The following ABR variants were observed in gnomAD, a reference collection of about 807,000 sequenced individuals.
ABR encodes the protein ABR activator of RhoGEF and GTPase.
In ABR, 35 loss-of-function variants were observed where a neutral mutation model predicts 107.2. That is an observed-to-expected ratio of 0.33 (90% CI 0.25 to 0.43). The LOEUF (loss-of-function observed/expected upper bound fraction) is 0.43, where lower values mean the gene tolerates loss of function less well. Among genes scored for constraint, ABR ranks in the 20% least tolerant of loss-of-function variants. The pLI is 1.00. For synonymous variants in ABR, 498 were observed against 462.0 expected (o/e 1.08, Z -1.00); for missense variants, 815 against 1,115.2 (o/e 0.73, Z 3.83).
At chr17:1,015,289 C>T (rs1448764692) in intron 16 of ABR, among the ~76,000 whole-genome samples, 1 of 151,432 alleles carries the variant, frequency 6.6e-6, no homozygotes, top group East Asian at 2.0e-4. Flanking sequence ...TGGTGGCGGG[C>T]ACTGTAGTCC....
At chr17:1,035,662 C>T (rs1170154948) in intron 16 of ABR, among the ~76,000 whole-genome samples, 2 of 53,812 alleles carry the variant, frequency 3.7e-5, no homozygotes, top group African/African-American at 8.9e-5. Flanking sequence ...CCTCCTCAGA[C>T]GACCTGCAAG....
chr17:1,086,553 T>G lies in ABR; in HGVS notation c.532-2926A>C, dbSNP rs183854132. Among the ~76,000 whole-genome samples, 993 of 150,544 alleles carry G rather than the reference T, an allele frequency of 6.6e-3. 13 individuals are homozygous for G. The highest frequency in any genetic ancestry group is 0.023 in the African/African-American group (922 of 40,802). ...TCTCGCTCTGTCAACCAGGCCGGAG[T>G]GCACTGGCACGATCTTGGCTCACTG... is the stretch of plus-strand genomic sequence containing the variant. On this transcript the variant is annotated intron_variant, in intron 4 of 22. Transcript: ENST00000302538.
chr17:1,067,555 G>A (rs1452112682), intron 9 of ABR, among the ~76,000 whole-genome samples: 6 of 152,160 alleles, frequency 3.9e-5, no homozygotes. Context: ...TTCCTGGCTG[G>A]GCTCACATTT....
At position 1,111,668 on chromosome 17, in the gene ABR, G is replaced by A. The variant is rs183723498; in HGVS notation, c.247-10933C>T. On this transcript the variant is annotated intron_variant, in intron 2 of 22. Transcript: ENST00000302538. ...GCCCTGTTGATGCAGGCACTGCCCC[G>A]ACCACTCTCTGGTGTAGGCTGGCCC... Among the ~76,000 whole-genome samples, 16 of 152,310 alleles carry A rather than the reference G, an allele frequency of 1.1e-4. No individual in the cohort carries two copies. In the East Asian group the frequency reaches 1.3e-3, roughly 13 times the overall value.
chr17:1,139,203 C>T (rs913227216), intron 1 of ABR, among the ~76,000 whole-genome samples: 6 of 152,016 alleles, frequency 3.9e-5, no homozygotes, highest in African/African-American at 1.5e-4. Flanking sequence ...TCTTATAACT[C>T]CTTAAAGTGA....
intron 6 of ABR, 141 bp from the exon 7 acceptor site, chr17:1,073,818 C>A: frequency 1.5e-6 from 1 of 676,440 alleles, no homozygotes; most frequent in South Asian, 2.3e-5. Flanking sequence ...CCCACGGCAG[C>A]CCCCACCTCT....
intron 1 of ABR, among the ~76,000 whole-genome samples, chr17:1,175,374 C>T (rs575200405): frequency 5.3e-5 from 8 of 152,198 alleles, no homozygotes; most frequent in Admixed American, 3.3e-4. Context: ...ATCGCACCGC[C>T]GCACTCCAGC....
chr17:1,171,927 T>C (rs920925391), intron 1 of ABR, among the ~76,000 whole-genome samples: 2 of 151,974 alleles, frequency 1.3e-5, no homozygotes, highest in Non-Finnish European at 2.9e-5. Context: ...TGAAAATCTG[T>C]CTCAAAAAAA....
chr17:1,133,544 A>G (rs1026482814), intron 1 of ABR, among the ~76,000 whole-genome samples: 1 of 152,202 alleles, frequency 6.6e-6, no homozygotes. Flanking sequence ...GCAAAAAGAG[A>G]TTAATAACAA....
At chr17:1,049,848 G>A in intron 16 of ABR, 2 of 631,406 alleles carry the variant, frequency 3.2e-6, no homozygotes, top group Non-Finnish European at 5.4e-6. Context: ...CCCACCTGAG[G>A]AGCCACGCAC....
rs2041110593 is a variant in ABR at position 1,157,862 on chromosome 17, A to G, written c.61+21805T>C. Among the ~76,000 whole-genome samples the G allele has an allele frequency of 6.6e-6, 1 of 152,182 alleles. No homozygotes were observed. The highest frequency in any genetic ancestry group is 1.5e-5 in the Non-Finnish European group (1 of 67,994). On this transcript the variant is annotated intron_variant, in intron 1 of 22. Transcript: ENST00000302538. This position sits in a 1 kb window ranked among gnomAD's most constrained non-coding sequence, Gnocchi z 4.7. ...TATCATTCATGCTGCAGGTCAGCCTAGGAAGGGATCGTGCAGTTTGGTAGG... is the reference window on the plus strand; with the variant it reads ...TATCATTCATGCTGCAGGTCAGCCTGGGAAGGGATCGTGCAGTTTGGTAGG...
At chr17:1,209,546 C>T (rs115206127) in intron 1 of ABR, among the ~76,000 whole-genome samples, 136 of 151,906 alleles carry the variant, frequency 9.0e-4, no homozygotes, top group Middle Eastern at 6.8e-3. Flanking sequence ...CAGTGAGCCA[C>T]CATGCTCAGC....
intron 1 of ABR, among the ~76,000 whole-genome samples, chr17:1,133,815 A>G (rs574219147): frequency 2.8e-4 from 42 of 152,226 alleles, no homozygotes; most frequent in African/African-American, 9.9e-4. Flanking sequence ...TGCCTCTCTC[A>G]TTACCAGGAA....
At chr17:1,062,633 G>C (rs2034145659) in intron 10 of ABR, among the ~76,000 whole-genome samples, 1 of 144,586 alleles carries the variant, frequency 6.9e-6, no homozygotes, top group Non-Finnish European at 1.6e-5. Flanking sequence ...TATGTGAACT[G>C]AGGGCTATGC....
intron 1 of ABR, among the ~76,000 whole-genome samples, chr17:1,142,906 A>T (rs115204995): frequency 0.075 from 11,459 of 152,174 alleles, 515 homozygotes; most frequent in Middle Eastern, 0.18. Flanking sequence ...TTAGCCCAGC[A>T]AAGCGGCAAC....
chr17:1,197,512 C>T (rs990036938), intron 1 of ABR, among the ~76,000 whole-genome samples: 1 of 151,558 alleles, frequency 6.6e-6, no homozygotes, highest in Non-Finnish European at 1.5e-5. Flanking sequence ...TCACCCTAAT[C>T]CCCTTCTCGT....
At chr17:1,113,116 C>G (rs1425743222) in intron 2 of ABR, among the ~76,000 whole-genome samples, 3 of 152,042 alleles carry the variant, frequency 2.0e-5, no homozygotes, top group Admixed American at 2.0e-4. Context: ...CCGTGCCTAC[C>G]CTCGCGGAGC....
chr17:1,191,867 T>C (rs2042444808), upstream of ABR, among the ~76,000 whole-genome samples: 1 of 152,160 alleles, frequency 6.6e-6, no homozygotes, highest in South Asian at 2.1e-4. Flanking sequence ...GAGCCACACA[T>C]GAGCCCCTCA....
chr17:1,191,262 G>A (rs991081865), upstream of ABR, among the ~76,000 whole-genome samples: 14 of 151,710 alleles, frequency 9.2e-5, no homozygotes, highest in South Asian at 2.1e-4. Flanking sequence ...CCAGCTTCCC[G>A]CCAGCCTCCC....
Sources: allele counts gnomAD v4.1 joint callset (sites outside exome capture counted in the v4.1 genomes callset), GRCh38; gene constraint gnomAD v4.1.1; non-coding constraint Gnocchi (gnomAD v3.1); transcripts MANE v1.5; gene names NCBI Gene and HGNC (gene_info 2026-07-23, HGNC 2026-07-21).